Variants in UGT1A9 observed in about 807,000 individuals in gnomAD.
UGT1A9 encodes the protein UDP glucuronosyltransferase family 1 member A9, also known as UDP-glucuronosyltransferase 1A9.
UGT1A9 carries 35 observed loss-of-function variants against 45.0 expected under a neutral mutation model. That is an observed-to-expected ratio of 0.78 (90% CI 0.59 to 1.03). The LOEUF is 1.03. Ranked by LOEUF, UGT1A9 falls within the 50% of genes least tolerant of loss-of-function variation. UGT1A9 has a pLI of 0.00. For synonymous variants in UGT1A9, 278 were observed against 250.6 expected (o/e 1.11, Z -1.03); for missense variants, 687 against 666.6 (o/e 1.03, Z -0.34).
intron 1 of UGT1A9, among the ~76,000 whole-genome samples, chr2:233,694,660 A>G (rs534591293): frequency 3.3e-5 from 5 of 152,152 alleles, no homozygotes; most frequent in Non-Finnish European, 7.3e-5. Context: ...TTTTTATCAG[A>G]GAGAAAGCCT....
At chr2:233,706,617 A>G (rs1052498313) in intron 1 of UGT1A9, among the ~76,000 whole-genome samples, 1 of 152,154 alleles carries the variant, frequency 6.6e-6, no homozygotes, top group African/African-American at 2.4e-5. Context: ...AGAAGACTAG[A>G]GAAATGAGTG....
chr2:233,684,369 C>A (rs2074676819), intron 1 of UGT1A9, among the ~76,000 whole-genome samples: 1 of 152,204 alleles, frequency 6.6e-6, no homozygotes, highest in African/African-American at 2.4e-5. Flanking sequence ...CCCCTGTTTA[C>A]CCTCCATCAA....
At chr2:233,721,362 A>G (rs1341884248) in intron 1 of UGT1A9, among the ~76,000 whole-genome samples, 1 of 152,182 alleles carries the variant, frequency 6.6e-6, no homozygotes, top group Non-Finnish European at 1.5e-5. Flanking sequence ...ACTGAACTGC[A>G]CTGGCTCAAA....
intron 1 of UGT1A9, among the ~76,000 whole-genome samples, chr2:233,674,469 G>A (rs2074285950): frequency 2.0e-5 from 3 of 152,044 alleles, no homozygotes; most frequent in South Asian, 4.2e-4. Context: ...TTTGGCTGAG[G>A]GTAAGGCCCT....
chr2:233,689,862 A>T, intron 1 of UGT1A9: 1 of 456,210 alleles, frequency 2.2e-6, no homozygotes, highest in Non-Finnish European at 4.4e-6. Context: ...GGCTACTATT[A>T]CCTTCTTGCT....
chr2:233,688,357 ATGT>A (rs2074889587), intron 1 of UGT1A9, among the ~76,000 whole-genome samples: 1 of 152,188 alleles, frequency 6.6e-6, no homozygotes, highest in South Asian at 2.1e-4. Context: ...ATGAAAAATA[ATGT>A]TGTTGTGAAC....
At chr2:233,745,519 A>G (rs567771888) in intron 1 of UGT1A9, among the ~76,000 whole-genome samples, 1 of 151,822 alleles carries the variant, frequency 6.6e-6, no homozygotes, top group African/African-American at 2.4e-5. Context: ...ATTAGGTCTA[A>G]TGGGGATGTG....
chr2:233,754,399 C>T (rs1054804), intron 1 of UGT1A9: 9,950 of 333,324 alleles, frequency 0.03, 183 homozygotes, highest in African/African-American at 0.05. Flanking sequence ...CCTATCCGTG[C>T]AGTCCCAACA....
At chr2:233,753,891 G>C (rs2125923136) in intron 1 of UGT1A9, among the ~76,000 whole-genome samples, 1 of 152,280 alleles carries the variant, frequency 6.6e-6, no homozygotes, top group East Asian at 1.9e-4. Context: ...CCTTCAGAAG[G>C]AACATGCTTC....
intron 1 of UGT1A9, among the ~76,000 whole-genome samples, chr2:233,677,393 T>C (rs1468796367): frequency 2.6e-5 from 4 of 152,202 alleles, no homozygotes; most frequent in African/African-American, 9.7e-5. Context: ...AAAATCCGCA[T>C]AGAACTTTTG....
intron 1 of UGT1A9, among the ~76,000 whole-genome samples, chr2:233,745,899 C>T (rs1385989296): frequency 1.3e-5 from 2 of 151,320 alleles, no homozygotes; most frequent in Non-Finnish European, 2.9e-5. Context: ...TGGCGTTTTT[C>T]AGGGAGCAGC....
intron 1 of UGT1A9, among the ~76,000 whole-genome samples, chr2:233,748,588 G>C (rs1457275864): frequency 6.6e-6 from 1 of 151,830 alleles, no homozygotes; most frequent in Non-Finnish European, 1.5e-5. Context: ...GGTTGACTCA[G>C]TTCAGTGGAA....
chr2:233,755,325 G>T, intron 1 of UGT1A9: 1 of 473,384 alleles, frequency 2.1e-6, no homozygotes, highest in Non-Finnish European at 3.6e-6. Flanking sequence ...AAGGCTGCCA[G>T]CACCCGCGCA....
At chr2:233,703,412 A>G (rs1378820860) in intron 1 of UGT1A9, among the ~76,000 whole-genome samples, 1 of 151,566 alleles carries the variant, frequency 6.6e-6, no homozygotes, top group Non-Finnish European at 1.5e-5. Context: ...GGTTTTGTTT[A>G]TTTTTCTCTA....
chr2:233,773,203 A>T lies in UGT1A9; in HGVS notation c.*644A>T, dbSNP rs1464666615. On this transcript the variant is annotated 3_prime_UTR_variant, in exon 5 of 5. Coordinates refer to ENST00000354728, the MANE Select transcript of UGT1A9 (RefSeq NM_021027.3). ...TATGTCAAATGGAGCTGAATTTGAT[A>T]AAAACCCAAAATACAGCTATGAAGT... The T allele has an allele frequency of 6.6e-6, 1 of 152,516 alleles. No homozygotes were observed. The highest frequency in any genetic ancestry group is 2.4e-5 in the African/African-American group (1 of 41,468). 9.4% of individuals were successfully genotyped at this position (152,516 alleles called of 1,614,324 possible). A position where few individuals can be genotyped will look rare whatever the true frequency, so the allele number is the denominator to read the frequency against.
At chr2:233,768,723 C>T (rs1162218085) in intron 4 of UGT1A9, among the ~76,000 whole-genome samples, 1 of 151,234 alleles carries the variant, frequency 6.6e-6, no homozygotes, top group Non-Finnish European at 1.5e-5. Flanking sequence ...GCTGGGATTA[C>T]AGGTGTCCAC....
chr2:233,761,475 T>C (rs930055799), intron 1 of UGT1A9, among the ~76,000 whole-genome samples: 6 of 152,232 alleles, frequency 3.9e-5, no homozygotes, highest in African/African-American at 1.2e-4. Flanking sequence ...GAAAACTCAG[T>C]TGAAGCCTGC....
intron 1 of UGT1A9, among the ~76,000 whole-genome samples, chr2:233,757,694 G>C (rs757732265): frequency 2.6e-5 from 4 of 151,666 alleles, no homozygotes; most frequent in Non-Finnish European, 5.9e-5. Context: ...ATTCAAGGAA[G>C]GTGGCTTTGC....
rs373107890 is a variant in UGT1A9 at position 233,743,700 on chromosome 2, C to T, written c.856-23334C>T. On this transcript the variant is annotated intron_variant, in intron 1 of 4. Transcript: ENST00000354728. ...CTGCCGCCTGTGCAGCCGCCCTCCG[C>T]CCCCGCCTCGCCATAGCGGTCATAG... is the stretch of plus-strand genomic sequence containing the variant. 182 of 1,367,322 alleles carry T rather than the reference C, an allele frequency of 1.3e-4. 1 individual carries two copies. The highest frequency in any genetic ancestry group is 1.8e-4 in the Non-Finnish European group (179 of 1,021,848). 84.7% of individuals were successfully genotyped at this position (1,367,322 alleles called of 1,614,324 possible).
Sources: gnomAD v4.1 joint callset for allele counts (sites outside exome capture counted in the v4.1 genomes callset) on GRCh38, gnomAD v4.1.1 for gene constraint, MANE v1.5 for transcripts, NCBI Gene and HGNC (gene_info 2026-07-23, HGNC 2026-07-21) for gene names.